The following XKR5 variants were observed in gnomAD, a reference collection of about 807,000 sequenced individuals.
XKR5 encodes the protein XK-related protein 5.
A neutral mutation model predicts 40.8 loss-of-function variants in XKR5; 46 were observed. That is an observed-to-expected ratio of 1.13 (90% confidence interval 0.89 to 1.44). XKR5 has a LOEUF of 1.44. Ranked by LOEUF, XKR5 falls within the 40% of genes most tolerant of loss-of-function variation. XKR5 has a pLI of 0.00. For synonymous variants in XKR5, 466 were observed against 356.1 expected (o/e 1.31, Z -3.48); for missense variants, 1,169 against 844.7 (o/e 1.38, Z -4.76).
At chr8:6,828,108 C>A (rs1191628561) in intron 2 of XKR5, among the ~76,000 whole-genome samples, 1 of 152,042 alleles carries the variant, frequency 6.6e-6, no homozygotes, top group African/African-American at 2.4e-5. Context: ...TGAAAGATGT[C>A]TTTTAGAAAC....
In XKR5 at chr8:6,811,514, G is replaced by A. The variant is rs868458847; in HGVS notation, c.1745C>T (p.Ser582Leu). ...LGKSSPAQPA[S>L]PHPVGLAPFP... ...GGGCGCCAAGCCCACTGGGTGGGGC[G>A]ATGCAGGCTGGGCAGGGCTGCTCTT... Residue 582 changes from serine (S) to leucine (L), a missense_variant, in exon 7 of 7, where the codon TCG (serine) becomes TTG (leucine). Transcript: ENST00000618742. 6.8e-5 allele frequency: 104 copies of A among 1,530,434 alleles called. No individual in the cohort carries two copies. The highest frequency in any genetic ancestry group is 8.1e-5 in the Non-Finnish European group (93 of 1,143,064). The allele number at this position is 1,530,434 out of a possible 1,614,324, so 94.8% of individuals were successfully genotyped here.
At chr8:6,822,498 A>AT (rs35990327) in intron 4 of XKR5, among the ~76,000 whole-genome samples, 33,261 of 152,132 alleles carry the variant, frequency 0.22, 4,375 homozygotes, top group East Asian at 0.3. Flanking sequence ...TTTCAAGCTG[A>AT]TTTTTTTTAA....
chr8:6,822,154 G>A, intron 4 of XKR5, 116 bp from the exon 5 acceptor site: 1 of 1,029,524 alleles, frequency 9.7e-7, no homozygotes, highest in Non-Finnish European at 1.4e-6. Flanking sequence ...CAGCATCCAA[G>A]AAGAGATATC....
At chr8:6,823,475 G>C (rs1187782901) in intron 4 of XKR5, 46 bp downstream of exon 4, 2 of 1,540,300 alleles carry the variant, frequency 1.3e-6, no homozygotes, top group Non-Finnish European at 8.8e-7. Context: ...TTTCTGGGTT[G>C]ATTGGTTATG....
chr8:6,816,310 A>G (rs1355002938), intron 5 of XKR5, among the ~76,000 whole-genome samples: 6 of 152,220 alleles, frequency 3.9e-5, no homozygotes, highest in Non-Finnish European at 7.3e-5. Flanking sequence ...AGATAGCTGC[A>G]GAGCTCATGA....
chr8:6,822,606 C>T (rs1804291950), intron 4 of XKR5, among the ~76,000 whole-genome samples: 1 of 152,136 alleles, frequency 6.6e-6, no homozygotes, highest in South Asian at 2.1e-4. Context: ...AATGTTTGCT[C>T]TAGGCCCAAG....
intron 5 of XKR5, among the ~76,000 whole-genome samples, chr8:6,821,101 C>A (rs138973804): frequency 3.3e-4 from 50 of 152,300 alleles, no homozygotes; most frequent in Non-Finnish European, 5.6e-4. Context: ...TAGGTTCAGA[C>A]AGTTTAAATT....
chr8:6,822,894 A>C (rs1804303296), intron 4 of XKR5, among the ~76,000 whole-genome samples: 1 of 152,252 alleles, frequency 6.6e-6, no homozygotes, highest in Non-Finnish European at 1.5e-5. Context: ...GAAATGGTGC[A>C]CTTTTGGAAG....
At chr8:6,828,200 G>C (rs1192754172) in intron 2 of XKR5, among the ~76,000 whole-genome samples, 1 of 152,210 alleles carries the variant, frequency 6.6e-6, no homozygotes, top group Non-Finnish European at 1.5e-5. Flanking sequence ...TGAGTGGCTT[G>C]GGTAGTGGTG....
At chr8:6,812,774 C>G (rs931217616) in intron 6 of XKR5, among the ~76,000 whole-genome samples, 2 of 152,272 alleles carry the variant, frequency 1.3e-5, no homozygotes, top group Admixed American at 6.5e-5. Context: ...GGTTACAAAG[C>G]TGGGGGAAGG....
chr8:6,816,689 TA>T (rs201321693), intron 5 of XKR5, among the ~76,000 whole-genome samples: 100 of 147,060 alleles, frequency 6.8e-4, no homozygotes, highest in African/African-American at 2.3e-3. Context: ...TTAATTTAAT[TA>T]AAAATAATTT....
At chr8:6,828,084 G>A (rs1012661918) in intron 2 of XKR5, among the ~76,000 whole-genome samples, 25 of 152,130 alleles carry the variant, frequency 1.6e-4, no homozygotes, top group African/African-American at 5.8e-4. Context: ...AAAAAGAAAA[G>A]GGGGGAAGTG....
chr8:6,821,239 T>C (rs1804212757), intron 5 of XKR5, among the ~76,000 whole-genome samples: 1 of 152,216 alleles, frequency 6.6e-6, no homozygotes, highest in African/African-American at 2.4e-5. Flanking sequence ...ATAATCCAGC[T>C]CAACCTCCAC....
At chr8:6,822,357 T>C (rs1804279928) in intron 4 of XKR5, among the ~76,000 whole-genome samples, 1 of 152,256 alleles carries the variant, frequency 6.6e-6, no homozygotes, top group Non-Finnish European at 1.5e-5. Flanking sequence ...AAGGGGCAGT[T>C]ATAAAACTGA....
In XKR5 at chr8:6,811,126, A is replaced by T. The variant is rs1803656861; in HGVS notation, c.*72T>A. On this transcript the variant is annotated 3_prime_UTR_variant, in exon 7 of 7. Coordinates refer to ENST00000618742, the MANE Select transcript of XKR5 (RefSeq NM_207411.5). ...CAAGGACACAGGTGTCAGAAGTGGG[A>T]TTTCCTTTCTCACGGTACCAAATGG... is the stretch of plus-strand genomic sequence containing the variant. The T allele has an allele frequency of 1.4e-6, 2 of 1,417,946 alleles. No individual in the cohort carries two copies. Among genetic ancestry groups the T allele is most frequent in the Non-Finnish European group, 1.9e-6 (2 of 1,069,474 alleles). 87.8% of individuals were successfully genotyped at this position (1,417,946 alleles called of 1,614,324 possible).
At position 6,811,697 on chromosome 8, in the gene XKR5, C is replaced by A. The variant is rs1239139141; in HGVS notation, c.1562G>T (p.Gly521Val). The A allele has an allele frequency of 2.0e-6, 3 of 1,537,700 alleles. No homozygotes were observed. Among genetic ancestry groups the A allele is most frequent in the Non-Finnish European group, 2.6e-6 (3 of 1,147,042 alleles). Residue 521 changes from glycine (G) to valine (V), a missense_variant, in exon 7 of 7, where the codon GGG becomes GTG. Coordinates refer to ENST00000618742, the MANE Select transcript of XKR5 (RefSeq NM_207411.5). Reference protein sequence around the residue: ...TPKEGADAVSGTQGKGTGGQQ... With the variant: ...TPKEGADAVSVTQGKGTGGQQ... ...CCCACCTGTCCCCTTCCCCTGTGTCCCAGAAACAGCGTCAGCTCCTTCCTT... is the reference window on the plus strand; with the variant it reads ...CCCACCTGTCCCCTTCCCCTGTGTCACAGAAACAGCGTCAGCTCCTTCCTT...
chr8:6,833,903 A>G (rs983867540), intron 1 of XKR5, among the ~76,000 whole-genome samples: 1 of 152,228 alleles, frequency 6.6e-6, no homozygotes, highest in Admixed American at 6.5e-5. Flanking sequence ...CATCTTGTGC[A>G]TCCTCGAGAA....
chr8:6,815,965 G>A, intron 5 of XKR5, 47 bp from the exon 6 acceptor site: 7 of 1,435,868 alleles, frequency 4.9e-6, no homozygotes, highest in Non-Finnish European at 6.7e-6. Flanking sequence ...GGTGCACACT[G>A]CCTAGGGACC....
rs1803681409 is a variant in XKR5 at position 6,811,455 on chromosome 8, G to C, written c.1804C>G (p.Leu602Val). The change falls in exon 7 of 7, where the codon CTA becomes GTA. Residue 602 changes from leucine (L) to valine (V), a missense_variant. Transcript: ENST00000618742. ...AAGCCTCTACATGGGCCTGTGCCTA[G>C]GATGGGGCTAATGTCGGCCATGGTG... ...PDTMADISPI[L>V]GTGPCRGFCP... The C allele has an allele frequency of 6.5e-7, 1 of 1,534,858 alleles. No homozygotes were observed. The highest frequency in any genetic ancestry group is 8.7e-7 in the Non-Finnish European group (1 of 1,145,556).
Sources: gnomAD v4.1 joint callset for allele counts (sites outside exome capture counted in the v4.1 genomes callset) on GRCh38, gnomAD v4.1.1 for gene constraint, MANE v1.5 for transcripts, NCBI Gene and HGNC (gene_info 2026-07-23, HGNC 2026-07-21) for gene names.